Variants in XPO1 observed in about 807,000 individuals in gnomAD.
XPO1 encodes exportin-1.
XPO1 carries 5 observed loss-of-function variants against 133.3 expected under a neutral mutation model. That is an observed-to-expected ratio of 0.04 (90% CI 0.02 to 0.08). XPO1 has a LOEUF of 0.08. Among genes scored for constraint, XPO1 ranks in the 10% least tolerant of loss-of-function variants. XPO1 has a pLI of 1.00. For synonymous variants in XPO1, 419 were observed against 408.2 expected (o/e 1.03, Z -0.32); for missense variants, 506 against 1,267.5 (o/e 0.40, Z 9.12).
At chr2:61,518,743 T>C (rs148994674) in intron 4 of XPO1, among the ~76,000 whole-genome samples, 52 of 152,186 alleles carry the variant, frequency 3.4e-4, no homozygotes, top group Non-Finnish European at 6.2e-4. Flanking sequence ...CCAAGTGTAA[T>C]GTGGGGTGTG....
intron 4 of XPO1, among the ~76,000 whole-genome samples, chr2:61,512,605 G>T (rs1419950713): frequency 6.6e-6 from 1 of 152,162 alleles, no homozygotes; most frequent in Non-Finnish European, 1.5e-5. Context: ...TGACATTAAA[G>T]ATGTTCATTC....
chr2:61,528,564 G>T (rs932435829), intron 2 of XPO1, among the ~76,000 whole-genome samples: 1 of 150,902 alleles, frequency 6.6e-6, no homozygotes, highest in Non-Finnish European at 1.5e-5. Flanking sequence ...ATCCAGGAGC[G>T]GAGGTTGCAG....
intron 3 of XPO1, 32 bp from the exon 4 acceptor site, chr2:61,522,715 T>C (rs375275861): frequency 6.1e-5 from 91 of 1,502,926 alleles, no homozygotes; most frequent in Admixed American, 2.9e-4. Flanking sequence ...CATGTGAATA[T>C]ATTGCTTATA....
intron 2 of XPO1, among the ~76,000 whole-genome samples, chr2:61,532,567 G>A (rs554069683): frequency 3.9e-5 from 6 of 151,990 alleles, no homozygotes; most frequent in South Asian, 2.1e-4. Context: ...GCCAGGCGCG[G>A]TGGCTCATGC....
intron 10 of XPO1, 94 bp from the exon 11 acceptor site, chr2:61,495,707 C>T (rs1477934856): frequency 3.1e-6 from 4 of 1,301,800 alleles, no homozygotes; most frequent in Non-Finnish European, 4.0e-6. Context: ...CAAGGTATCA[C>T]TCTGTCCAGG....
intron 19 of XPO1, among the ~76,000 whole-genome samples, chr2:61,486,665 G>C (rs751720355): frequency 1.3e-5 from 2 of 152,090 alleles, no homozygotes; most frequent in Admixed American, 6.6e-5. Context: ...CACCGTGTTA[G>C]CCAGGATGGT....
chr2:61,536,079 A>G (rs556496030), intron 1 of XPO1: 43 of 152,360 alleles, frequency 2.8e-4, no homozygotes, highest in African/African-American at 9.4e-4. Flanking sequence ...TCATTTTCAA[A>G]TACACTGTTC....
chr2:61,523,867 A>G (rs1233569224), intron 3 of XPO1, among the ~76,000 whole-genome samples: 2 of 152,230 alleles, frequency 1.3e-5, no homozygotes, highest in African/African-American at 4.8e-5. Flanking sequence ...TGCCATTTCA[A>G]CTAAAGTACT....
At chr2:61,508,370 G>C (rs576395438) in intron 4 of XPO1, among the ~76,000 whole-genome samples, 14 of 152,276 alleles carry the variant, frequency 9.2e-5, no homozygotes, top group African/African-American at 3.4e-4. Context: ...TGTTCCAAAT[G>C]CAAGGGTTAA....
intron 11 of XPO1, chr2:61,494,368 C>A: frequency 3.3e-6 from 1 of 305,580 alleles, no homozygotes; most frequent in South Asian, 3.6e-5. Flanking sequence ...GCCTTGGGTG[C>A]CAATAAGTGG....
intron 11 of XPO1, 37 bp downstream of exon 11, chr2:61,495,418 A>T: frequency 6.7e-7 from 1 of 1,482,582 alleles, no homozygotes; most frequent in Non-Finnish European, 9.0e-7. Flanking sequence ...TAGTAGGCAG[A>T]GCAGAATTTT....
At chr2:61,525,104 C>A (rs1405148186) in intron 3 of XPO1, among the ~76,000 whole-genome samples, 1 of 151,918 alleles carries the variant, frequency 6.6e-6, no homozygotes, top group Non-Finnish European at 1.5e-5. Context: ...ACAGCAAAGA[C>A]TAAATGAAAA....
intron 18 of XPO1, 39 bp from the exon 19 acceptor site, chr2:61,488,310 A>G (rs767055338): frequency 6.4e-7 from 1 of 1,557,196 alleles, no homozygotes; most frequent in African/African-American, 1.4e-5. Context: ...TTTTACCACT[A>G]AACTTATACA....
chr2:61,524,322 A>G (rs540614839), intron 3 of XPO1, among the ~76,000 whole-genome samples: 15 of 152,362 alleles, frequency 9.8e-5, no homozygotes, highest in South Asian at 2.1e-4. Flanking sequence ...ACTTTTTTAC[A>G]TTTTTAATGG....
intron 3 of XPO1, among the ~76,000 whole-genome samples, chr2:61,523,693 T>C (rs1203080840): frequency 6.6e-6 from 1 of 152,182 alleles, no homozygotes; most frequent in African/African-American, 2.4e-5. Context: ...GGTTAGTCAT[T>C]ACACAATAAA....
At chr2:61,489,548 A>T (rs995334474) in intron 17 of XPO1, among the ~76,000 whole-genome samples, 1 of 151,982 alleles carries the variant, frequency 6.6e-6, no homozygotes, top group Non-Finnish European at 1.5e-5. Context: ...AGAATGAAGT[A>T]ATATAGTTCT....
intron 2 of XPO1, among the ~76,000 whole-genome samples, chr2:61,527,385 G>T (rs1201637285): frequency 6.6e-6 from 1 of 150,808 alleles, no homozygotes; most frequent in Non-Finnish European, 1.5e-5. Context: ...CTACTCAGGA[G>T]ACCGAGATGG....
At chr2:61,490,938 T>G (rs544065513) in intron 16 of XPO1, among the ~76,000 whole-genome samples, 162 bp from the exon 17 acceptor site, 2 of 152,306 alleles carry the variant, frequency 1.3e-5, no homozygotes, top group Admixed American at 1.3e-4. Context: ...GCCAATCACT[T>G]GTGGTCAGGA....
rs935925675 is a variant in XPO1, at chr2:61,491,050, G to A, written c.1888-274C>T. Among the ~76,000 whole-genome samples the A allele has an allele frequency of 2.0e-5, 3 of 151,944 alleles. 1 individual carries two copies. Among genetic ancestry groups the A allele is most frequent in the South Asian group, 4.2e-4 (2 of 4,806 alleles). On this transcript the variant is annotated intron_variant, in intron 16 of 24. Transcript: ENST00000401558. ...CAGGTGCCTATAATTCCAGTTACTT[G>A]GGAGGTTTGAATTGCTTGAACCTGG...
Sources: gnomAD v4.1 joint callset for allele counts (sites outside exome capture counted in the v4.1 genomes callset) on GRCh38, gnomAD v4.1.1 for gene constraint, MANE v1.5 for transcripts, NCBI Gene and HGNC (gene_info 2026-07-23, HGNC 2026-07-21) for gene names.